Variants in CCDC88A observed in about 807,000 individuals in gnomAD.
The protein encoded by CCDC88A is girdin.
In CCDC88A, 54 loss-of-function variants were observed where a neutral mutation model predicts 234.3. That is an observed-to-expected ratio of 0.23 (90% confidence interval 0.19 to 0.29). The LOEUF is 0.29. Ranked by LOEUF, CCDC88A falls within the 10% of genes least tolerant of loss-of-function variation. CCDC88A has a pLI of 1.00. For synonymous variants in CCDC88A, 753 were observed against 737.8 expected (o/e 1.02, Z -0.33); for missense variants, 1,832 against 2,123.4 (o/e 0.86, Z 2.70).
intron 8 of CCDC88A, among the ~76,000 whole-genome samples, chr2:55,355,129 T>C (rs1377660627): frequency 2.0e-5 from 3 of 152,006 alleles, no homozygotes; most frequent in East Asian, 1.9e-4. Context: ...CAATGCAAGA[T>C]ACATATACAA....
intron 2 of CCDC88A, chr2:55,418,506 T>C (rs1574555271): frequency 3.1e-6 from 1 of 323,820 alleles, no homozygotes. Context: ...AGATTCTCAT[T>C]TTCTCTCTTA....
chr2:55,307,279 C>T (rs1295623539), intron 25 of CCDC88A, among the ~76,000 whole-genome samples: 1 of 151,644 alleles, frequency 6.6e-6, no homozygotes, highest in African/African-American at 2.4e-5. Context: ...TTGTATAGAG[C>T]ATATTATAAT....
chr2:55,317,549 A>T lies in CCDC88A; in HGVS notation c.3602+15T>A. 1 of 1,520,812 alleles carries T rather than the reference A, an allele frequency of 6.6e-7. No homozygotes were observed. The highest frequency in any genetic ancestry group is 8.8e-7 in the Non-Finnish European group (1 of 1,130,030). 94.2% of individuals were successfully genotyped at this position (1,520,812 alleles called of 1,614,324 possible). A position where few individuals can be genotyped will look rare whatever the true frequency, so the allele number is the denominator to read the frequency against. ...TCATTTTAAATTCACAGTACAACAA[A>T]ATATAATAAATTACCGGTCTTCAAG... On this transcript the variant is annotated intron_variant, in intron 20 of 32. Transcript: ENST00000436346. This position sits in a 1 kb window ranked among gnomAD's most constrained non-coding sequence, Gnocchi z 4.2.
chr2:55,322,262 G>A (rs940674230), intron 18 of CCDC88A, among the ~76,000 whole-genome samples: 8 of 152,172 alleles, frequency 5.3e-5, no homozygotes, highest in Non-Finnish European at 7.4e-5. Context: ...CAACTTTACT[G>A]GGGGAAGAAG....
At chr2:55,331,786 T>C (rs1258406786) in intron 16 of CCDC88A, 2 of 152,152 alleles carry the variant, frequency 1.3e-5, no homozygotes, top group African/African-American at 4.8e-5. Context: ...CTTTTAAGGC[T>C]TTAGTTTTCC....
chr2:55,304,696 T>G (rs1307802339), intron 25 of CCDC88A, among the ~76,000 whole-genome samples: 1 of 152,158 alleles, frequency 6.6e-6, no homozygotes, highest in African/African-American at 2.4e-5. Context: ...ATCACTAAAA[T>G]ATAGGAGTCA....
rs772661423 is a variant in CCDC88A, at chr2:55,334,430, C to T, written c.2391G>A (p.Gln797=). ...ATATTTTTAGTTCTTCTAGGTTTTTCTGCAATGTTTGATTTTCCATCTCTA... is the reference window on the plus strand; with the variant it reads ...ATATTTTTAGTTCTTCTAGGTTTTTTTGCAATGTTTGATTTTCCATCTCTA... ...QDLEMENQTL[Q]KNLEELKISS... is the part of the protein sequence containing the mutation. The change falls in exon 15 of 33, where the codon CAG becomes CAA. Residue 797 remains glutamine, a synonymous_variant. Transcript: ENST00000436346. The surrounding 1 kb of genome is among the most constrained non-coding windows in gnomAD (Gnocchi z 6.1). 3.2e-6 allele frequency: 5 copies of T among 1,581,252 alleles called. No homozygotes were observed. Among genetic ancestry groups the T allele is most frequent in the South Asian group, 1.2e-5 (1 of 84,560 alleles).
intron 5 of CCDC88A, among the ~76,000 whole-genome samples, chr2:55,369,972 T>C (rs945660490): frequency 4.5e-4 from 69 of 152,304 alleles, no homozygotes; most frequent in African/African-American, 1.4e-3. Flanking sequence ...TCCTTTACTA[T>C]AGCACCCATA....
In CCDC88A at chr2:55,294,835, A is replaced by G. The variant is rs1042912650; in HGVS notation, c.5551+762T>C. 191 of 1,040,428 alleles carry G rather than the reference A, an allele frequency of 1.8e-4. 1 individual carries two copies. Among genetic ancestry groups the G allele is most frequent in the Non-Finnish European group, 2.1e-4 (183 of 863,058 alleles). The allele number at this position is 1,040,428 out of a possible 1,614,324, so 64.4% of individuals were successfully genotyped here. A position where few individuals can be genotyped will look rare whatever the true frequency, so the allele number is the denominator to read the frequency against. On this transcript the variant is annotated intron_variant, in intron 31 of 32. Coordinates refer to ENST00000436346, the MANE Select transcript of CCDC88A (RefSeq NM_001365480.1). ...GAGCATGTATGGTTAAGGTTTTTAA[A>G]GGCATGCAGAAAATGGACAAAGTAA... is the stretch of plus-strand genomic sequence containing the variant.
At chr2:55,302,502 T>C (rs1174637425) in intron 26 of CCDC88A, among the ~76,000 whole-genome samples, 1 of 152,172 alleles carries the variant, frequency 6.6e-6, no homozygotes, top group Non-Finnish European at 1.5e-5. Context: ...CTGAAGAAAT[T>C]ATTCATTTTA....
At position 55,334,469 on chromosome 2, in the gene CCDC88A, A is replaced by C; in HGVS notation, c.2352T>G (p.Ser784Arg). 1 of 1,599,930 alleles carries C rather than the reference A, an allele frequency of 6.3e-7. No homozygotes were observed. Among genetic ancestry groups the C allele is most frequent in the African/African-American group, 1.4e-5 (1 of 73,638 alleles). The change falls in exon 15 of 33, where the codon AGT becomes AGG. Residue 784 changes from serine to arginine, a missense_variant. Transcript: ENST00000436346. The surrounding 1 kb of genome is among the most constrained non-coding windows in gnomAD (Gnocchi z 6.1). ...TTTCCATCTCTAAGTCTTGTAGTTC[A>C]CTCTCTAATTGCTGGATTTTTTTAT... ...NSNKKIQQLE[S>R]ELQDLEMENQ...
chr2:55,300,271 C>T (rs1167473246), intron 28 of CCDC88A: 4 of 234,102 alleles, frequency 1.7e-5, no homozygotes, highest in African/African-American at 9.0e-5. Flanking sequence ...AGACAAGGAA[C>T]TCTGCACATT....
chr2:55,364,945 T>C (rs1427768665), intron 5 of CCDC88A, among the ~76,000 whole-genome samples: 1 of 151,906 alleles, frequency 6.6e-6, no homozygotes, highest in Non-Finnish European at 1.5e-5. Context: ...ATTACTGAAC[T>C]ACTAGTGAGG....
chr2:55,367,528 G>GTTTTTTTTTTTTTTTTTGTT, intron 5 of CCDC88A, among the ~76,000 whole-genome samples: 1 of 99,890 alleles, frequency 1.0e-5, no homozygotes, highest in Non-Finnish European at 2.0e-5. Flanking sequence ...TTATTTCCTT[G>GTTTTTTTTTTTTTTTTTGTT]TTTTTTTTTA....
chr2:55,383,936 GTA>G (rs1203854602), intron 3 of CCDC88A, among the ~76,000 whole-genome samples: 20 of 152,216 alleles, frequency 1.3e-4, no homozygotes, highest in African/African-American at 4.1e-4. Flanking sequence ...ACAATTTAAA[GTA>G]TTGGTTGGTG....
At chr2:55,393,437 C>T (rs2867173) in intron 2 of CCDC88A, among the ~76,000 whole-genome samples, 139,523 of 151,474 alleles carry the variant, frequency 0.92, 64,513 homozygotes, top group African/African-American at 0.97. Flanking sequence ...ACTACAGGCA[C>T]GTGCCACCAC....
chr2:55,407,945 T>C (rs1281846437), intron 2 of CCDC88A, among the ~76,000 whole-genome samples: 3 of 151,914 alleles, frequency 2.0e-5, no homozygotes, highest in African/African-American at 7.3e-5. Flanking sequence ...CTCGAACTTC[T>C]GACCTCAAGT....
chr2:55,294,796 A>G, intron 31 of CCDC88A: 1 of 1,007,772 alleles, frequency 9.9e-7, no homozygotes, highest in South Asian at 4.1e-5. Context: ...CAGGCAACAA[A>G]AAATGTGAAG....
At chr2:55,354,259 G>C (rs567519552) in intron 8 of CCDC88A, among the ~76,000 whole-genome samples, 30 of 151,268 alleles carry the variant, frequency 2.0e-4, no homozygotes, top group Non-Finnish European at 3.5e-4. Flanking sequence ...TCCTGCCTCA[G>C]CCTCCCAGGT....
Sources: allele counts gnomAD v4.1 joint callset (sites outside exome capture counted in the v4.1 genomes callset), GRCh38; gene constraint gnomAD v4.1.1; non-coding constraint Gnocchi (gnomAD v3.1); transcripts MANE v1.5; gene names NCBI Gene and HGNC (gene_info 2026-07-23, HGNC 2026-07-21).